The following ZFHX3 variants were observed in gnomAD, a reference collection of about 807,000 sequenced individuals.
The protein encoded by ZFHX3 is zinc finger homeobox 3, also known as zinc finger homeobox protein 3.
Under a neutral mutation model 279.1 loss-of-function variants are expected in ZFHX3, and 42 were observed. The observed-to-expected ratio is 0.15, with a 90% CI of 0.12 to 0.19. The LOEUF (loss-of-function observed/expected upper bound fraction) is 0.19. ZFHX3 is among the 10% of genes least tolerant of loss of function. ZFHX3 has a pLI of 1.00. For synonymous variants in ZFHX3, 2,293 were observed against 1,957.8 expected (o/e 1.17, Z -4.52); for missense variants, 4,981 against 4,754.0 (o/e 1.05, Z -1.40).
chr16:73,525,420 A>G (rs2019674790), intron 2 of ZFHX3, among the ~76,000 whole-genome samples: 1 of 152,224 alleles, frequency 6.6e-6, no homozygotes, highest in African/African-American at 2.4e-5. Context: ...GTGCAAACTC[A>G]ACCCTATCTA....
At chr16:73,058,498 GAAA>G in intron 1 of ZFHX3, 1 of 135,568 alleles carries the variant, frequency 7.4e-6, no homozygotes, top group Non-Finnish European at 1.5e-5. Flanking sequence ...GCGGCGGCGG[GAAA>G]AAAAAAAGAG....
chr16:73,796,288 G>C (rs1401276755), intron 1 of ZFHX3: 2 of 152,204 alleles, frequency 1.3e-5, no homozygotes, highest in African/African-American at 4.8e-5. Flanking sequence ...GATGCAAAGA[G>C]ACTGGGGAGT....
In ZFHX3 at chr16:72,798,262, G is replaced by A. The variant is rs564744714; in HGVS notation, c.4420C>T (p.Leu1474=). Residue 1474 remains leucine, a synonymous_variant, in exon 9 of 10, where the codon CTG becomes TTG. Coordinates refer to ENST00000268489, the MANE Select transcript of ZFHX3 (RefSeq NM_006885.4). ...GCCAGAGTGGGGTCTCCCATTGCCA[G>A]GAGGTCCCCATTGGCCAGCAGGCCA... ...YGGLLANGDL[L]AMGDPTLAED... The A allele has an allele frequency of 2.5e-6, 4 of 1,614,176 alleles. No individual in the cohort carries two copies. The South Asian group carries it at 3.3e-5, about 13-fold the overall frequency.
chr16:73,492,458 C>A (rs2019070230), intron 2 of ZFHX3, among the ~76,000 whole-genome samples: 1 of 152,240 alleles, frequency 6.6e-6, no homozygotes, highest in Non-Finnish European at 1.5e-5. Flanking sequence ...TCTCTCTCCA[C>A]CCTGATCCAA....
intron 7 of ZFHX3, among the ~76,000 whole-genome samples, chr16:73,103,599 G>A (rs147840287): frequency 3.3e-5 from 5 of 152,176 alleles, no homozygotes; most frequent in Admixed American, 6.5e-5. Context: ...CTGTGAGTCC[G>A]TGAACTCCTC....
At chr16:72,980,304 G>A (rs1009470292) in intron 1 of ZFHX3, among the ~76,000 whole-genome samples, 5 of 152,172 alleles carry the variant, frequency 3.3e-5, no homozygotes, top group African/African-American at 9.7e-5. Context: ...TGGGGAAGGA[G>A]GAGAACTGTT....
intron 1 of ZFHX3, among the ~76,000 whole-genome samples, chr16:73,796,930 A>G (rs564941022): frequency 1.3e-5 from 2 of 152,160 alleles, no homozygotes; most frequent in African/African-American, 4.8e-5. Flanking sequence ...GGCTGAGTGC[A>G]GTGGCTCACG....
chr16:73,457,796 T>C (rs1024500656), intron 2 of ZFHX3, among the ~76,000 whole-genome samples: 1 of 151,928 alleles, frequency 6.6e-6, no homozygotes, highest in African/African-American at 2.4e-5. Context: ...TAAAATAAAA[T>C]AAAAATGAGA....
intron 1 of ZFHX3, among the ~76,000 whole-genome samples, chr16:73,792,864 C>CT (rs965520741): frequency 1.4e-5 from 2 of 147,830 alleles, no homozygotes; most frequent in South Asian, 4.4e-4. Flanking sequence ...GCACCCCCCC[C>CT]CTCCCCTCTC....
At chr16:73,509,521 CTTTTTTT>C (rs531436437) in intron 2 of ZFHX3, among the ~76,000 whole-genome samples, 5 of 102,978 alleles carry the variant, frequency 4.9e-5, no homozygotes, top group East Asian at 3.1e-4. Flanking sequence ...TTTCCCTCTC[CTTTTTTT>C]TTTTTTTTTT....
intron 7 of ZFHX3, among the ~76,000 whole-genome samples, chr16:73,105,639 G>C (rs1242444015): frequency 6.6e-6 from 1 of 151,932 alleles, no homozygotes; most frequent in East Asian, 1.9e-4. Flanking sequence ...TATAATCCCA[G>C]CTACTTGGGA....
At chr16:73,431,751 T>G (rs2017915602) in intron 3 of ZFHX3, among the ~76,000 whole-genome samples, 1 of 152,168 alleles carries the variant, frequency 6.6e-6, no homozygotes, top group South Asian at 2.1e-4. Context: ...GGATGTACTT[T>G]GATTACAATA....
chr16:72,912,314 G>A (rs2144192057), intron 3 of ZFHX3, among the ~76,000 whole-genome samples: 1 of 152,350 alleles, frequency 6.6e-6, no homozygotes, highest in East Asian at 1.9e-4. Context: ...TAAATTCTCA[G>A]ATGATGCTAA....
At chr16:73,368,468 A>T (rs1370574388) in intron 3 of ZFHX3, among the ~76,000 whole-genome samples, 3 of 152,210 alleles carry the variant, frequency 2.0e-5, no homozygotes, top group Non-Finnish European at 4.4e-5. Context: ...GATGAGCTTT[A>T]TCATGCTAAG....
intron 4 of ZFHX3, among the ~76,000 whole-genome samples, chr16:73,266,003 G>A (rs2013963206): frequency 1.3e-5 from 2 of 152,214 alleles, no homozygotes; most frequent in Admixed American, 1.3e-4. Flanking sequence ...CTAACAGAGA[G>A]TAGAGGAAAC....
chr16:73,351,286 G>A (rs2016236639), intron 3 of ZFHX3, among the ~76,000 whole-genome samples: 2 of 152,192 alleles, frequency 1.3e-5, no homozygotes, highest in African/African-American at 2.4e-5. Context: ...AGAGGTCACC[G>A]CACTGGGCCT....
At chr16:73,370,327 GA>G (rs1402906346) in intron 3 of ZFHX3, among the ~76,000 whole-genome samples, 1 of 152,164 alleles carries the variant, frequency 6.6e-6, no homozygotes, top group Non-Finnish European at 1.5e-5. Context: ...AAAGCCATTT[GA>G]TTTTTTTATT....
At chr16:72,953,269 G>C (rs566787817) in intron 2 of ZFHX3, among the ~76,000 whole-genome samples, 7 of 149,416 alleles carry the variant, frequency 4.7e-5, no homozygotes, top group African/African-American at 2.5e-5. Flanking sequence ...ATTCTTTTTA[G>C]GATAAGAAAG....
At position 72,795,223 on chromosome 16, in the gene ZFHX3, C is replaced by T. The variant is rs760504039; in HGVS notation, c.7459G>A (p.Ala2487Thr). Reference sequence around the variant, plus strand: ...GGTAAGGGGCACTGTGGAGGGGGCGCTTGTGGAGGAGGCTGTGGCAACGAA... The same window carrying T: ...GGTAAGGGGCACTGTGGAGGGGGCGTTTGTGGAGGAGGCTGTGGCAACGAA... The part of the protein sequence containing the change: ...LPSLPQPPPQ[A>T]PPPQCPLPQS... The change falls in exon 9 of 10, where the codon GCG (alanine) becomes ACG (threonine). Residue 2487 changes from alanine to threonine, a missense_variant. By Grantham distance (58) the Ala-to-Thr change is moderately conservative (BLOSUM62 0). Coordinates refer to ENST00000268489, the MANE Select transcript of ZFHX3 (RefSeq NM_006885.4). 3 of 1,607,996 alleles carry T rather than the reference C, an allele frequency of 1.9e-6. No homozygotes were observed. In the South Asian group the frequency reaches 3.3e-5, roughly 18 times the overall value.
Sources: gnomAD v4.1 joint callset for allele counts (sites outside exome capture counted in the v4.1 genomes callset) on GRCh38, gnomAD v4.1.1 for gene constraint, MANE v1.5 for transcripts, NCBI Gene and HGNC (gene_info 2026-07-23, HGNC 2026-07-21) for gene names.